GPC5: variants seen among roughly 807,000 people sequenced by gnomAD.
GPC5 encodes the protein glypican 5, also known as glypican-5.
A neutral mutation model predicts 53.9 loss-of-function variants in GPC5; 47 were observed. That is an observed-to-expected ratio of 0.87 (90% CI 0.69 to 1.11). The LOEUF is 1.11. Ranked by LOEUF, GPC5 falls within the 50% of genes most tolerant of loss-of-function variation. The pLI is 0.00. For missense variants in GPC5, 748 were observed against 713.1 expected, an observed-to-expected ratio of 1.05 and a Z score of -0.56; for synonymous variants, 286 against 263.3, an observed-to-expected ratio of 1.09 and a Z score of -0.84.
At chr13:92,371,348 T>C (rs1373532139) in intron 7 of GPC5, among the ~76,000 whole-genome samples, 4 of 152,186 alleles carry the variant, frequency 2.6e-5, no homozygotes, top group Non-Finnish European at 4.4e-5. Flanking sequence ...GGCAAAGGGA[T>C]TTTAAGAAAT....
intron 7 of GPC5, among the ~76,000 whole-genome samples, chr13:92,707,566 T>C (rs1025701557): frequency 1.3e-5 from 2 of 151,900 alleles, no homozygotes; most frequent in Admixed American, 1.3e-4. Flanking sequence ...TAAGTTTAAT[T>C]GAGAAACTCA....
At chr13:92,304,582 AT>A (rs2043098554) in intron 7 of GPC5, among the ~76,000 whole-genome samples, 1 of 152,098 alleles carries the variant, frequency 6.6e-6, no homozygotes. Flanking sequence ...TTTTATGGTA[AT>A]TCTAGTTATT....
chr13:92,737,013 G>C (rs1888953736), intron 7 of GPC5, among the ~76,000 whole-genome samples: 1 of 151,914 alleles, frequency 6.6e-6, no homozygotes, highest in South Asian at 2.1e-4. Context: ...TGCCACTTCT[G>C]TAAGGTTCTA....
intron 5 of GPC5, among the ~76,000 whole-genome samples, chr13:91,867,892 T>C (rs2039101525): frequency 6.6e-6 from 1 of 152,344 alleles, no homozygotes; most frequent in East Asian, 1.9e-4. Flanking sequence ...ATATTGTTCA[T>C]GTTGCTATAA....
At chr13:91,734,013 G>A (rs1033041289) in intron 4 of GPC5, among the ~76,000 whole-genome samples, 4 of 152,078 alleles carry the variant, frequency 2.6e-5, no homozygotes, top group African/African-American at 9.7e-5. Flanking sequence ...TCAATACCTG[G>A]TTTATTGAGA....
At chr13:91,816,786 T>G (rs1381139595) in intron 5 of GPC5, among the ~76,000 whole-genome samples, 3 of 152,156 alleles carry the variant, frequency 2.0e-5, no homozygotes, top group Non-Finnish European at 4.4e-5. Flanking sequence ...GATTTATGGC[T>G]TTGGTACAAT....
At chr13:91,803,239 A>T (rs1340639873) in intron 5 of GPC5, among the ~76,000 whole-genome samples, 1 of 152,178 alleles carries the variant, frequency 6.6e-6, no homozygotes, top group Admixed American at 6.5e-5. Flanking sequence ...TGTTCATAAA[A>T]TTTCTAAAAT....
chr13:91,983,453 A>C lies in GPC5; in HGVS notation c.1401+75396A>C, dbSNP rs529801974. On this transcript the variant is annotated intron_variant, in intron 6 of 7. Transcript: ENST00000377067. ...TAAGTATCTTAGAAAGCAGAGGCTGATGCTGGAGAGCTGTATTTTTTCATT... is the reference window on the plus strand; with the variant it reads ...TAAGTATCTTAGAAAGCAGAGGCTGCTGCTGGAGAGCTGTATTTTTTCATT... Among the ~76,000 whole-genome samples, 6 of 152,230 alleles carry C rather than the reference A, an allele frequency of 3.9e-5. No homozygotes were observed. The South Asian group carries it at 1.0e-3, about 26-fold the overall frequency.
At chr13:92,048,605 G>A (rs181493894) in intron 6 of GPC5, among the ~76,000 whole-genome samples, 49 of 152,260 alleles carry the variant, frequency 3.2e-4, no homozygotes, top group Admixed American at 6.5e-4. Context: ...CTTTTACATG[G>A]CAGAGTTTCT....
intron 7 of GPC5, among the ~76,000 whole-genome samples, chr13:92,563,863 C>A (rs930646507): frequency 6.6e-6 from 1 of 152,010 alleles, no homozygotes; most frequent in Non-Finnish European, 1.5e-5. Flanking sequence ...CACTTTCATT[C>A]ATTTATGCAA....
intron 5 of GPC5, among the ~76,000 whole-genome samples, chr13:91,811,984 C>T (rs1405987319): frequency 6.6e-6 from 1 of 152,156 alleles, no homozygotes; most frequent in Non-Finnish European, 1.5e-5. Context: ...GACCCATGCT[C>T]TGAAACAGGT....
intron 7 of GPC5, among the ~76,000 whole-genome samples, chr13:92,515,497 G>T (rs1344087947): frequency 6.6e-6 from 1 of 152,152 alleles, no homozygotes; most frequent in Non-Finnish European, 1.5e-5. Context: ...GCTTGGGAAG[G>T]TGGCATTTTT....
intron 2 of GPC5, among the ~76,000 whole-genome samples, chr13:91,462,125 C>T (rs911139166): frequency 5.3e-5 from 8 of 152,102 alleles, no homozygotes; most frequent in African/African-American, 1.9e-4. Context: ...CTAACAGACT[C>T]ATGCAGAGGT....
At chr13:91,496,563 G>A (rs1884276783) in intron 2 of GPC5, among the ~76,000 whole-genome samples, 1 of 152,078 alleles carries the variant, frequency 6.6e-6, no homozygotes, top group African/African-American at 2.4e-5. Flanking sequence ...TTATTTGTAG[G>A]AGCAAAAAAT....
At chr13:91,818,111 G>A (rs762555825) in intron 5 of GPC5, among the ~76,000 whole-genome samples, 100 of 152,198 alleles carry the variant, frequency 6.6e-4, no homozygotes, top group Non-Finnish European at 8.5e-4. Context: ...CTGGCATCTG[G>A]GGAACAGCAT....
At chr13:92,103,919 A>T (rs1238609850) in intron 6 of GPC5, among the ~76,000 whole-genome samples, 1 of 152,188 alleles carries the variant, frequency 6.6e-6, no homozygotes, top group Non-Finnish European at 1.5e-5. Flanking sequence ...TCAAAGCCCC[A>T]CATGGACATC....
At chr13:91,410,604 C>T (rs908595262) in intron 1 of GPC5, among the ~76,000 whole-genome samples, 2 of 151,772 alleles carry the variant, frequency 1.3e-5, no homozygotes, top group Non-Finnish European at 2.9e-5. Context: ...CCTTGGCCTC[C>T]CAAAGAGCTG....
intron 2 of GPC5, among the ~76,000 whole-genome samples, chr13:91,556,541 ATGTGTG>A (rs1020269156): frequency 2.8e-5 from 4 of 145,386 alleles, no homozygotes; most frequent in African/African-American, 1.0e-4. Flanking sequence ...TATATATAAA[ATGTGTG>A]TGTGTGTGTA....
chr13:92,748,792 T>A (rs2139321760), intron 7 of GPC5, among the ~76,000 whole-genome samples: 1 of 152,310 alleles, frequency 6.6e-6, no homozygotes, highest in African/African-American at 2.4e-5. Context: ...ATTACATTTA[T>A]AAATATGATA....
Sources: allele counts gnomAD v4.1 joint callset (sites outside exome capture counted in the v4.1 genomes callset), GRCh38; gene constraint gnomAD v4.1.1; transcripts MANE v1.5; gene names NCBI Gene and HGNC (gene_info 2026-07-23, HGNC 2026-07-21).